The following ZNF808 variants were observed in gnomAD, a reference collection of about 807,000 sequenced individuals.
ZNF808 encodes zinc finger protein 808.
In ZNF808, 5 loss-of-function variants were observed where a neutral mutation model predicts 8.7. That is an observed-to-expected ratio of 0.58 (90% CI 0.30 to 1.21). The LOEUF (loss-of-function observed/expected upper bound fraction) is 1.21, where lower values mean the gene tolerates loss of function less well. Ranked by LOEUF, ZNF808 falls within the 50% of genes most tolerant of loss-of-function variation. The pLI is 0.07. For missense variants in ZNF808, 1,103 were observed against 1,098.4 expected, an observed-to-expected ratio of 1.00 and a Z score of -0.06; for synonymous variants, 380 against 366.0, an observed-to-expected ratio of 1.04 and a Z score of -0.44.
chr19:52,557,290 G>C (rs1457594269), downstream of ZNF808, among the ~76,000 whole-genome samples: 1 of 148,966 alleles, frequency 6.7e-6, no homozygotes, highest in Non-Finnish European at 1.5e-5. Context: ...TTTTGAGATG[G>C]AGTTTTGCTC....
chr19:52,558,517 G>A (rs1367017149), downstream of ZNF808, among the ~76,000 whole-genome samples: 4 of 151,910 alleles, frequency 2.6e-5, no homozygotes, highest in Non-Finnish European at 4.4e-5. Context: ...GACTATAGGC[G>A]TGTGCCACCA....
chr19:52,535,258 G>C (rs959728994), intron 2 of ZNF808, among the ~76,000 whole-genome samples: 3 of 149,612 alleles, frequency 2.0e-5, no homozygotes, highest in Non-Finnish European at 4.4e-5. Context: ...GTGAACCCGG[G>C]AGGCGGAGCT....
intron 2 of ZNF808, chr19:52,535,924 GC>G (rs926132307): frequency 9.2e-5 from 14 of 151,752 alleles, no homozygotes; most frequent in African/African-American, 3.4e-4. Flanking sequence ...TCTGCCTCGC[GC>G]CCCGCCTCTA....
At chr19:52,532,351 G>A (rs905014497) in intron 1 of ZNF808, among the ~76,000 whole-genome samples, 3 of 151,790 alleles carry the variant, frequency 2.0e-5, no homozygotes, top group Non-Finnish European at 2.9e-5. Context: ...TCTGCCTCCT[G>A]AGTAGCTGGG....
chr19:52,558,061 A>G (rs1421432556), downstream of ZNF808, among the ~76,000 whole-genome samples: 4 of 90,096 alleles, frequency 4.4e-5, no homozygotes, highest in Admixed American at 3.0e-4. Flanking sequence ...AGGAGTGCCC[A>G]GTTGTAATTA....
Position 52,554,097 on chromosome 19 carries a change from G to T in ZNF808, c.1181G>T (p.Ser394Ile), listed in dbSNP as rs1392633417. ...SYLANHTRIH[S>I]GEKTYKCNEC... ...CTGGCAAACCATACTAGAATTCATA[G>T]TGGAGAGAAAACATACAAGTGTAAT... The change falls in exon 5 of 5, where the codon AGT becomes ATT. Residue 394 changes from serine (S) to isoleucine (I), a missense_variant. Transcript: ENST00000359798. 6.2e-7 allele frequency: 1 copy of T among 1,613,950 alleles called. No individual in the cohort carries two copies. The highest frequency in any genetic ancestry group is 1.1e-5 in the South Asian group (1 of 91,064).
chr19:52,562,497 A>G (rs746743290), intron 3 of ZNF808, among the ~76,000 whole-genome samples: 1 of 152,334 alleles, frequency 6.6e-6, no homozygotes, highest in Admixed American at 6.5e-5. Flanking sequence ...ATCCAATTGG[A>G]GAATAAGAAC....
intron 2 of ZNF808, among the ~76,000 whole-genome samples, chr19:52,534,910 A>T (rs201249452): frequency 6.6e-6 from 1 of 152,168 alleles, no homozygotes; most frequent in African/African-American, 2.4e-5. Flanking sequence ...GAAAGAAAAA[A>T]GTAAAAAAAG....
At chr19:52,559,169 G>A (rs34066730), downstream of ZNF808, among the ~76,000 whole-genome samples, 14,122 of 151,756 alleles carry the variant, frequency 0.093, 682 homozygotes, top group Middle Eastern at 0.16. Context: ...TGCAGTTGAG[G>A]TAAGAGGAAG....
chr19:52,529,350 G>C (rs1376114474), intron 1 of ZNF808, among the ~76,000 whole-genome samples: 1 of 152,090 alleles, frequency 6.6e-6, no homozygotes, highest in Non-Finnish European at 1.5e-5. Flanking sequence ...CCACTACACT[G>C]CAGCCTGGTC....
downstream of ZNF808, among the ~76,000 whole-genome samples, chr19:52,568,073 C>G (rs2059877048): frequency 6.6e-6 from 1 of 152,156 alleles, no homozygotes; most frequent in East Asian, 1.9e-4. Flanking sequence ...GCAGGCGCAA[C>G]TTCTACAAGT....
intron 3 of ZNF808, 110 bp downstream of exon 3, chr19:52,543,457 G>A: frequency 6.8e-7 from 1 of 1,473,364 alleles, no homozygotes; most frequent in Non-Finnish European, 9.1e-7. Flanking sequence ...TTCTGAGTCT[G>A]AAGCATTTTG....
At chr19:52,550,687 A>G (rs1218734647) in intron 4 of ZNF808, among the ~76,000 whole-genome samples, 1 of 151,978 alleles carries the variant, frequency 6.6e-6, no homozygotes, top group Admixed American at 6.6e-5. Flanking sequence ...AGCCTGGCTA[A>G]TTTTTGTATT....
At chr19:52,561,158 TTCTCTCTCTCTCTCTCTC>T (rs1191860993), downstream of ZNF808, among the ~76,000 whole-genome samples, 108 of 52,614 alleles carry the variant, frequency 2.1e-3, no homozygotes, top group African/African-American at 0.01. Flanking sequence ...CTTCTATCTG[TTCTCTCTCTCTCTCTCTC>T]TCTCTCTCTC....
rs373375731 is a variant in ZNF808, at chr19:52,554,564, C to T, written c.1648C>T (p.Arg550Cys). The T allele has an allele frequency of 1.9e-5, 30 of 1,613,542 alleles. No individual in the cohort carries two copies. In the East Asian group the frequency reaches 4.0e-4, roughly 22 times the overall value. ...TACGGTTTGTAACAAGGTTTTCATG[C>T]GTAATTCAGTCCTGGCTGTACATAC... ...KCTVCNKVFM[R>C]NSVLAVHTRI... The change falls in exon 5 of 5, where the codon CGT (arginine) becomes TGT (cysteine). Residue 550 changes from arginine to cysteine, a missense_variant. Transcript: ENST00000359798.
At position 52,554,401 on chromosome 19, in the gene ZNF808, G is replaced by C. The variant is rs1229912771; in HGVS notation, c.1485G>C (p.Arg495Ser). The C allele has an allele frequency of 1.9e-6, 3 of 1,613,896 alleles. No individual in the cohort carries two copies. In the South Asian group the frequency reaches 3.3e-5, roughly 18 times the overall value. Residue 495 changes from arginine to serine, a missense_variant, in exon 5 of 5, where the codon AGG (arginine) becomes AGC (serine). Physicochemically the swap from Arg to Ser is moderately radical, Grantham distance 110 (BLOSUM62 -1). Coordinates refer to ENST00000359798, the MANE Select transcript of ZNF808 (RefSeq NM_001039886.4). ...CNECRKTFSR[R>S]SSLLCHRRLH... Reference sequence around the variant, plus strand: ...AGTGTCGCAAGACCTTCAGCCGCAGGTCATCCCTTCTATGCCATCGTAGAC... The same window carrying C: ...AGTGTCGCAAGACCTTCAGCCGCAGCTCATCCCTTCTATGCCATCGTAGAC...
intron 2 of ZNF808, among the ~76,000 whole-genome samples, chr19:52,534,883 T>G (rs1383374357): frequency 6.6e-6 from 1 of 151,908 alleles, no homozygotes; most frequent in African/African-American, 2.4e-5. Flanking sequence ...AGAAATACTC[T>G]GTCTCAAAAA....
chr19:52,532,752 T>A (rs1231088052), intron 1 of ZNF808, among the ~76,000 whole-genome samples, 156 bp from the exon 2 acceptor site: 1 of 121,934 alleles, frequency 8.2e-6, no homozygotes, highest in Non-Finnish European at 1.7e-5. Flanking sequence ...TATTAAGTAT[T>A]TATTAAAGAA....
chr19:52,561,218 A>T (rs199958937), downstream of ZNF808, among the ~76,000 whole-genome samples: 1 of 64,384 alleles, frequency 1.6e-5, no homozygotes, highest in Non-Finnish European at 3.4e-5. Context: ...CTCTCTATAT[A>T]TATATATATA....
Sources: gnomAD v4.1 joint callset for allele counts (sites outside exome capture counted in the v4.1 genomes callset) on GRCh38, gnomAD v4.1.1 for gene constraint, MANE v1.5 for transcripts, NCBI Gene and HGNC (gene_info 2026-07-23, HGNC 2026-07-21) for gene names.